The following ITPRID1 variants were observed in gnomAD, a reference collection of about 807,000 sequenced individuals.
ITPRID1 encodes protein ITPRID1.
Under a neutral mutation model 95.4 loss-of-function variants are expected in ITPRID1, and 96 were observed. That is an observed-to-expected ratio of 1.01 (90% confidence interval 0.85 to 1.19). ITPRID1 has a LOEUF of 1.19. ITPRID1 is among the 50% of genes most tolerant of loss of function. The pLI is 0.00. For missense variants in ITPRID1, 1,339 were observed against 1,252.9 expected, an observed-to-expected ratio of 1.07 and a Z score of -1.04; for synonymous variants, 510 against 453.6, an observed-to-expected ratio of 1.12 and a Z score of -1.58.
intron 9 of ITPRID1, among the ~76,000 whole-genome samples, chr7:31,581,743 T>C (rs1000659215): frequency 3.1e-4 from 47 of 152,122 alleles, no homozygotes; most frequent in African/African-American, 1.1e-3. Flanking sequence ...AAGACAAACA[T>C]GTGCTTCACA....
At chr7:31,633,863 A>G (rs1789235890) in intron 10 of ITPRID1, among the ~76,000 whole-genome samples, 1 of 152,170 alleles carries the variant, frequency 6.6e-6, no homozygotes, top group South Asian at 2.1e-4. Flanking sequence ...CAACTTTATC[A>G]CACTTGACAC....
At chr7:31,649,557 T>A (rs962774192) in intron 12 of ITPRID1, among the ~76,000 whole-genome samples, 2 of 152,290 alleles carry the variant, frequency 1.3e-5, no homozygotes, top group African/African-American at 4.8e-5. Context: ...TTAACAAGAA[T>A]AAAGGAGAGA....
Position 31,639,545 on chromosome 7 carries a change from T to TG in ITPRID1, c.1229-2631_1229-2630insG, listed in dbSNP as rs1562644477. On this transcript the variant is annotated intron_variant, in intron 10 of 14. Transcript: ENST00000615280. ...TTTTGTTTGTTTGTTTTTGTTTTTTTTTTTTTTTTGAGATGGAGTCTCACT... is the reference window on the plus strand; with the variant it reads ...TTTTGTTTGTTTGTTTTTGTTTTTTTGTTTTTTTTTGAGATGGAGTCTCACT... Among the ~76,000 whole-genome samples, 42 of 6,858 alleles carry TG rather than the reference T, an allele frequency of 6.1e-3. 1 individual carries two copies. In the African/African-American group the frequency reaches 0.065, roughly 11 times the overall value. 4.5% of individuals were successfully genotyped at this position (6,858 alleles called of 152,430 possible).
intron 10 of ITPRID1, among the ~76,000 whole-genome samples, chr7:31,624,365 C>T (rs1253302804): frequency 6.8e-6 from 1 of 147,104 alleles, no homozygotes; most frequent in African/African-American, 2.5e-5. Flanking sequence ...TACCTGACTT[C>T]AAACTATACT....
At chr7:31,594,447 G>A (rs148830988) in intron 10 of ITPRID1, among the ~76,000 whole-genome samples, 75 of 152,266 alleles carry the variant, frequency 4.9e-4, no homozygotes, top group Non-Finnish European at 9.7e-4. Context: ...AAACTGATAC[G>A]TTTTAAATTA....
At chr7:31,613,509 A>AAAT (rs1269830594) in intron 10 of ITPRID1, among the ~76,000 whole-genome samples, 1 of 152,144 alleles carries the variant, frequency 6.6e-6, no homozygotes, top group African/African-American at 2.4e-5. Flanking sequence ...TTGCAAAGAA[A>AAAT]AATATTTATT....
In ITPRID1 at chr7:31,654,099, A is replaced by C. The variant is rs2128222051; in HGVS notation, c.*1270A>C. 6.6e-6 allele frequency among the ~76,000 whole-genome samples: 1 copy of C among 152,122 alleles called. No homozygotes were observed. The highest frequency in any genetic ancestry group is 2.1e-4 in the South Asian group (1 of 4,822). ...CAACAAGCAAATAATTACAATCCTG[A>C]AAAGAGCCTCAGAAGACAGTGTGAT... is the stretch of plus-strand genomic sequence containing the variant. On this transcript the variant is annotated 3_prime_UTR_variant, in exon 15 of 15. Coordinates refer to ENST00000615280, the MANE Select transcript of ITPRID1 (RefSeq NM_001257967.3).
At chr7:31,592,928 T>C (rs1431934058) in intron 10 of ITPRID1, among the ~76,000 whole-genome samples, 1 of 152,222 alleles carries the variant, frequency 6.6e-6, no homozygotes, top group East Asian at 1.9e-4. Context: ...GTTATAATAC[T>C]AAAATCTAAT....
intron 9 of ITPRID1, among the ~76,000 whole-genome samples, chr7:31,582,667 T>A (rs1243402644): frequency 6.6e-6 from 1 of 152,202 alleles, no homozygotes; most frequent in Non-Finnish European, 1.5e-5. Flanking sequence ...AATACAGAAG[T>A]ATTTATTAAT....
At chr7:31,609,197 A>G (rs1365220942) in intron 10 of ITPRID1, among the ~76,000 whole-genome samples, 5 of 151,390 alleles carry the variant, frequency 3.3e-5, no homozygotes, top group African/African-American at 7.3e-5. Context: ...CATATAATCC[A>G]TTTTTTATAT....
At chr7:31,555,617 G>A (rs1202955920) in intron 5 of ITPRID1, among the ~76,000 whole-genome samples, 1 of 152,036 alleles carries the variant, frequency 6.6e-6, no homozygotes, top group Non-Finnish European at 1.5e-5. Context: ...GATTTCACAG[G>A]TGTTAAAATG....
chr7:31,595,399 T>C (rs550661702), intron 10 of ITPRID1, among the ~76,000 whole-genome samples: 8 of 145,358 alleles, frequency 5.5e-5, no homozygotes, highest in Non-Finnish European at 1.1e-4. Context: ...TTTATAGATA[T>C]AAATGCAGTA....
chr7:31,644,085 T>A, intron 12 of ITPRID1, 132 bp downstream of exon 12: 2 of 755,758 alleles, frequency 2.6e-6, no homozygotes, highest in Non-Finnish European at 4.2e-6. Context: ...ATGAATAACA[T>A]TTGTAGAGTG....
chr7:31,583,913 A>G (rs933612804), intron 10 of ITPRID1, among the ~76,000 whole-genome samples: 3 of 152,222 alleles, frequency 2.0e-5, no homozygotes, highest in Non-Finnish European at 4.4e-5. Context: ...AAATAAGTGC[A>G]GATAATTTTA....
intron 10 of ITPRID1, among the ~76,000 whole-genome samples, chr7:31,621,578 G>A (rs1408956369): frequency 6.8e-6 from 1 of 146,986 alleles, no homozygotes; most frequent in Admixed American, 6.8e-5. Flanking sequence ...TCACCACCAG[G>A]CCTGCCCTAA....
rs1292626046 is a variant in ITPRID1, at chr7:31,521,835, C to T, written c.-98+7715C>T. On this transcript the variant is annotated intron_variant, in intron 1 of 14. Transcript: ENST00000615280. ...AACTTGCCGGCTCAAGTGATCCTCC[C>T]ATCTCAGCCCCCACCACTTACCCGA... 2.6e-5 allele frequency among the ~76,000 whole-genome samples: 4 copies of T among 151,836 alleles called. No homozygotes were observed. The East Asian group carries it at 5.8e-4, about 22-fold the overall frequency.
At chr7:31,519,608 C>A (rs1384087490) in intron 1 of ITPRID1, among the ~76,000 whole-genome samples, 35 of 54,684 alleles carry the variant, frequency 6.4e-4, no homozygotes, top group African/African-American at 1.7e-3. Context: ...CTCTCTCTCT[C>A]TCTCTCTCTC....
At chr7:31,553,726 C>T (rs982172069) in intron 3 of ITPRID1, among the ~76,000 whole-genome samples, 16 of 152,208 alleles carry the variant, frequency 1.1e-4, no homozygotes, top group African/African-American at 3.6e-4. Context: ...CTGTGTCCAC[C>T]TGGCTTTTAT....
intron 6 of ITPRID1, among the ~76,000 whole-genome samples, chr7:31,570,364 G>T (rs955297743): frequency 1.2e-4 from 19 of 152,144 alleles, no homozygotes; most frequent in African/African-American, 4.6e-4. Context: ...GTAGGGTCCA[G>T]AAATCTGTAT....
Sources: allele counts gnomAD v4.1 joint callset (sites outside exome capture counted in the v4.1 genomes callset), GRCh38; gene constraint gnomAD v4.1.1; transcripts MANE v1.5; gene names NCBI Gene and HGNC (gene_info 2026-07-23, HGNC 2026-07-21).